The following PPM1A variants were observed in gnomAD, a reference collection of about 807,000 sequenced individuals.
The protein encoded by PPM1A is protein phosphatase 1A.
PPM1A carries 7 observed loss-of-function variants against 35.0 expected under a neutral mutation model. The observed-to-expected ratio is 0.20, with a 90% CI of 0.11 to 0.38. The LOEUF is 0.38. PPM1A is among the 10% of genes least tolerant of loss of function. The pLI, the probability that PPM1A is intolerant of heterozygous loss-of-function variation, is 1.00. For synonymous variants in PPM1A, 153 were observed against 167.3 expected, an observed-to-expected ratio of 0.91 and a Z score of 0.66; for missense variants, 239 against 467.8, an observed-to-expected ratio of 0.51 and a Z score of 4.51.
At chr14:60,285,545 T>C in intron 2 of PPM1A, 79 bp from the exon 3 acceptor site, 2 of 1,397,964 alleles carry the variant, frequency 1.4e-6, no homozygotes, top group Non-Finnish European at 2.0e-6. Flanking sequence ...ATAACTGTAA[T>C]TGGCACAGCT....
At chr14:60,253,720 A>G (rs1882714499) in intron 1 of PPM1A, among the ~76,000 whole-genome samples, 1 of 152,196 alleles carries the variant, frequency 6.6e-6, no homozygotes, top group Non-Finnish European at 1.5e-5. Flanking sequence ...TAAACATTTT[A>G]TGTCTTCAAG....
chr14:60,254,187 G>A lies in PPM1A; in HGVS notation c.-21+4510G>A, dbSNP rs1882774643. 2.0e-5 allele frequency among the ~76,000 whole-genome samples: 3 copies of A among 152,278 alleles called. No homozygotes were observed. In the South Asian group the frequency reaches 6.2e-4, roughly 32 times the overall value. ...TCAGTATAGCTTTTGCAGTGTGCCT[G>A]GAAGCCAAACTAGAGATTGAGTAGA... On this transcript the variant is annotated intron_variant, in intron 1 of 5. Transcript: ENST00000395076.
intron 3 of PPM1A, 54 bp downstream of exon 3, chr14:60,285,795 A>C (rs746303039): frequency 1.3e-6 from 2 of 1,594,528 alleles, no homozygotes; most frequent in Non-Finnish European, 1.7e-6. Flanking sequence ...TCTTCAACAC[A>C]ATCAAACTTT....
chr14:60,267,667 A>G (rs17097259), intron 1 of PPM1A, among the ~76,000 whole-genome samples: 1,941 of 152,220 alleles, frequency 0.013, 47 homozygotes, highest in African/African-American at 0.045. Flanking sequence ...TTGTTTTGAA[A>G]TAGTCTTGCC....
At chr14:60,276,206 A>G (rs1043921752) in intron 1 of PPM1A, among the ~76,000 whole-genome samples, 3 of 152,218 alleles carry the variant, frequency 2.0e-5, no homozygotes, top group African/African-American at 4.8e-5. Context: ...TGGTAGCAGT[A>G]GAGAGTTTAC....
intron 1 of PPM1A, among the ~76,000 whole-genome samples, chr14:60,254,944 A>G (rs1220946630): frequency 1.3e-5 from 2 of 152,152 alleles, no homozygotes; most frequent in Non-Finnish European, 2.9e-5. Flanking sequence ...TACACTTGCT[A>G]TCTCTGGAAC....
chr14:60,262,023 A>G (rs548208237), intron 1 of PPM1A, among the ~76,000 whole-genome samples: 91 of 152,330 alleles, frequency 6.0e-4, no homozygotes, highest in African/African-American at 2.1e-3. Context: ...TACTGCCTAC[A>G]ATATCTTATA....
chr14:60,288,298 G>C, intron 3 of PPM1A: 1 of 962,356 alleles, frequency 1.0e-6, no homozygotes. Context: ...TCAAGGTAAT[G>C]TTTTTTAGAC....
At chr14:60,271,050 A>G (rs1006469245) in intron 1 of PPM1A, among the ~76,000 whole-genome samples, 2 of 152,214 alleles carry the variant, frequency 1.3e-5, no homozygotes, top group South Asian at 2.1e-4. Flanking sequence ...TCACGGTGTC[A>G]CCAAGAATGT....
chr14:60,296,619 C>T lies in PPM1A; in HGVS notation c.*4137C>T, dbSNP rs1026351094. The T allele has an allele frequency of 3.0e-6, 1 of 337,214 alleles. No homozygotes were observed. Among genetic ancestry groups the T allele is most frequent in the Admixed American group, 5.0e-5 (1 of 20,172 alleles). The allele number at this position is 337,214 out of a possible 1,614,324, so 20.9% of individuals were successfully genotyped here. On this transcript the variant is annotated 3_prime_UTR_variant, in exon 6 of 6. Coordinates refer to ENST00000395076, the MANE Select transcript of PPM1A (RefSeq NM_021003.5). The surrounding 1 kb of genome is among the most constrained non-coding windows in gnomAD (Gnocchi z 4.4). ...CAAAATTTTAGAAGCCTAATTTGCT[C>T]TTACTTCCTTCAATTATGTGCCATG...
rs1360666818 is a variant in PPM1A at position 60,298,120 on chromosome 14, T to C, written c.*5638T>C. 1 of 151,582 alleles carries C rather than the reference T, an allele frequency of 6.6e-6. No individual in the cohort carries two copies. Among genetic ancestry groups the C allele is most frequent in the African/African-American group, 2.4e-5 (1 of 41,348 alleles). 9.4% of individuals were successfully genotyped at this position (151,582 alleles called of 1,614,324 possible). A position where few individuals can be genotyped will look rare whatever the true frequency, so the allele number is the denominator to read the frequency against. On this transcript the variant is annotated 3_prime_UTR_variant, in exon 6 of 6. Transcript: ENST00000395076. Reference sequence around the variant, plus strand: ...ATTAAAAGGTGAAAAAAAAACATAGTATTCAGAAGTTTTGGAGGTTAATGT... The same window carrying C: ...ATTAAAAGGTGAAAAAAAAACATAGCATTCAGAAGTTTTGGAGGTTAATGT...
At chr14:60,287,143 A>C (rs1887103431) in intron 3 of PPM1A, 2 of 941,456 alleles carry the variant, frequency 2.1e-6, no homozygotes, top group Non-Finnish European at 2.5e-6. Flanking sequence ...TTTTACTATG[A>C]AATGGGATCC....
At chr14:60,286,892 C>T (rs995427996) in intron 3 of PPM1A, 5 of 970,876 alleles carry the variant, frequency 5.1e-6, no homozygotes, top group African/African-American at 3.5e-5. Context: ...TTACTGTTAC[C>T]AAGGGTCTTG....
upstream of PPM1A, among the ~76,000 whole-genome samples, chr14:60,247,934 C>A (rs999395387): frequency 2.6e-5 from 4 of 152,162 alleles, no homozygotes; most frequent in African/African-American, 9.7e-5. Context: ...AACCTGCCTT[C>A]TACAATGAAG....
At chr14:60,279,003 G>T (rs1307984921) in intron 1 of PPM1A, among the ~76,000 whole-genome samples, 3 of 152,160 alleles carry the variant, frequency 2.0e-5, no homozygotes, top group Non-Finnish European at 4.4e-5. Flanking sequence ...TTTTTGTTGT[G>T]ACCACAGTAA....
chr14:60,271,221 T>A (rs889318424), intron 1 of PPM1A, among the ~76,000 whole-genome samples: 3 of 152,220 alleles, frequency 2.0e-5, no homozygotes, highest in African/African-American at 7.2e-5. Flanking sequence ...CTTCTCTGTG[T>A]GTGTCAGATC....
intron 1 of PPM1A, among the ~76,000 whole-genome samples, chr14:60,271,140 C>G (rs370673601): frequency 1.3e-5 from 2 of 152,154 alleles, no homozygotes; most frequent in South Asian, 2.1e-4. Context: ...CATCACTTGC[C>G]TGGTAGCCAC....
chr14:60,287,253 T>C, intron 3 of PPM1A: 1 of 964,400 alleles, frequency 1.0e-6, no homozygotes, highest in Non-Finnish European at 1.2e-6. Flanking sequence ...GTTACAATAA[T>C]AAGTTTTATA....
chr14:60,278,303 A>G (rs1274501748), intron 1 of PPM1A, among the ~76,000 whole-genome samples: 1 of 149,594 alleles, frequency 6.7e-6, no homozygotes, highest in African/African-American at 2.5e-5. Context: ...AAAAGATTTC[A>G]TGGTTTGCGG....
Sources: allele counts gnomAD v4.1 joint callset (sites outside exome capture counted in the v4.1 genomes callset), GRCh38; gene constraint gnomAD v4.1.1; non-coding constraint Gnocchi (gnomAD v3.1); transcripts MANE v1.5; gene names NCBI Gene and HGNC (gene_info 2026-07-23, HGNC 2026-07-21).